ADAM8: variants seen among roughly 807,000 people sequenced by gnomAD.
ADAM8 encodes disintegrin and metalloproteinase domain-containing protein 8.
ADAM8 carries 104 observed loss-of-function variants against 102.4 expected under a neutral mutation model. The ratio of observed to expected loss-of-function variants is 1.02; its 90% CI spans 0.87 to 1.20. ADAM8 has a LOEUF of 1.20. Ranked by LOEUF, ADAM8 falls within the 50% of genes most tolerant of loss-of-function variation. The pLI is 0.00. For synonymous variants in ADAM8, 517 were observed against 485.2 expected (o/e 1.07, Z -0.86); for missense variants, 1,132 against 1,159.0 (o/e 0.98, Z 0.34).
rs765145643 is a variant in ADAM8, at chr10:133,272,111, C to A, written c.957+82G>T. 11 of 1,504,020 alleles carry A rather than the reference C, an allele frequency of 7.3e-6. No homozygotes were observed. In the East Asian group the frequency reaches 2.2e-4, roughly 30 times the overall value. The allele number at this position is 1,504,020 out of a possible 1,614,324, so 93.2% of individuals were successfully genotyped here. A position where few individuals can be genotyped will look rare whatever the true frequency, so the allele number is the denominator to read the frequency against. On this transcript the variant is annotated intron_variant, in intron 10 of 22. Transcript: ENST00000445355. The stretch of plus-strand genomic sequence containing the variant: ...ACCTGGCCTGAGGGGAGGTGGCCTG[C>A]TCCAGAGACCTGGACCGAGGCGTCC...
At chr10:133,268,978 C>T in intron 18 of ADAM8, 116 bp from the exon 19 acceptor site, 3 of 1,489,786 alleles carry the variant, frequency 2.0e-6, no homozygotes, top group East Asian at 4.9e-5. Context: ...CTGTGGACCC[C>T]TCAGGGAGGA....
intron 10 of ADAM8, 90 bp from the exon 11 acceptor site, chr10:133,272,044 C>A: frequency 6.4e-7 from 1 of 1,564,520 alleles, no homozygotes; most frequent in Admixed American, 1.7e-5. Flanking sequence ...CTTGGCACAG[C>A]TTCCCGCCAA....
At position 133,263,709 on chromosome 10, in the gene ADAM8, C is replaced by A; in HGVS notation, c.2376G>T (p.Ala792=). The A allele has an allele frequency of 6.5e-7, 1 of 1,542,106 alleles. No homozygotes were observed. Among genetic ancestry groups the A allele is most frequent in the Non-Finnish European group, 8.7e-7 (1 of 1,143,158 alleles). Residue 792 remains alanine (A), a synonymous_variant, in exon 22 of 23, where the codon GCG becomes GCT. Transcript: ENST00000445355. ...TCACCTCAGCTGGACCAGGGTTGGC[C>A]GCACCAGCCCCGGGTTTGACTGGGG... is the stretch of plus-strand genomic sequence containing the variant. ...PVPPVKPGAG[A]ANPGPAEGAV...
rs774498849 is a variant in ADAM8, at chr10:133,267,342, C to T, written c.2319+10G>A. On this transcript the variant is annotated intron_variant, in intron 21 of 22. Coordinates refer to ENST00000445355, the MANE Select transcript of ADAM8 (RefSeq NM_001109.5). ...TCAGAAGGCTTGGCCGCCCAATCAC[C>T]ACTGCTCACCTGCTTTGGTGCCTGC... 8 of 1,605,248 alleles carry T rather than the reference C, an allele frequency of 5.0e-6. No homozygotes were observed. In the East Asian group the frequency reaches 1.1e-4, roughly 23 times the overall value.
chr10:133,267,360 G>A lies in ADAM8; in HGVS notation c.2311C>T (p.Pro771Ser). The A allele has an allele frequency of 1.2e-6, 2 of 1,608,960 alleles. No homozygotes were observed. The highest frequency in any genetic ancestry group is 1.7e-6 in the Non-Finnish European group (2 of 1,178,608). Residue 771 changes from proline (P) to serine (S), a missense_variant, in exon 21 of 23, where the codon CCA becomes TCA. Coordinates refer to ENST00000445355, the MANE Select transcript of ADAM8 (RefSeq NM_001109.5). ...FPVPVYTRQAPKQVIKPTFAP... is the reference protein window; with the variant it reads ...FPVPVYTRQASKQVIKPTFAP... ...CAATCACCACTGCTCACCTGCTTTG[G>A]TGCCTGCCGGGTGTAGACAGGAACT...
intron 2 of ADAM8, chr10:133,275,139 C>A (rs1846702903): frequency 2.8e-6 from 1 of 351,558 alleles, no homozygotes; most frequent in Non-Finnish European, 5.2e-6. Flanking sequence ...GCCCCCCCCC[C>A]AACACAGGAA....
Position 133,262,815 on chromosome 10 carries a change from G to A in ADAM8, c.*341C>T, listed in dbSNP as rs1355236455. 1.0e-5 allele frequency: 3 copies of A among 299,980 alleles called. No individual in the cohort carries two copies. The highest frequency in any genetic ancestry group is 1.5e-4 in the East Asian group (2 of 12,904). The allele number at this position is 299,980 out of a possible 1,614,324, so 18.6% of individuals were successfully genotyped here. A position where few individuals can be genotyped will look rare whatever the true frequency, so the allele number is the denominator to read the frequency against. On this transcript the variant is annotated 3_prime_UTR_variant, in exon 23 of 23. Transcript: ENST00000445355. ...CAGGCCCCAGAGCAGGGGCAGGTGT[G>A]GCTGGGAGGGGCTGTATATGTGGCC... is the stretch of plus-strand genomic sequence containing the variant.
At chr10:133,275,130 C>T in intron 2 of ADAM8, 1 of 214,786 alleles carries the variant, frequency 4.7e-6, no homozygotes, top group Non-Finnish European at 9.1e-6. Flanking sequence ...CCCCGCCAGG[C>T]CCCCCCCCCA....
Position 133,272,946 on chromosome 10 carries a change from C to A in ADAM8, c.636+11G>T, listed in dbSNP as rs770416367. 1 of 1,612,864 alleles carries A rather than the reference C, an allele frequency of 6.2e-7. No homozygotes were observed. Among genetic ancestry groups the A allele is most frequent in the Non-Finnish European group, 8.5e-7 (1 of 1,179,844 alleles). The stretch of plus-strand genomic sequence containing the variant: ...CCGGCTGCTCTCCCACCTTCCCTGC[C>A]CCCAACACACCTCTGCATTGTCCAC... On this transcript the variant is annotated intron_variant, in intron 7 of 22. Coordinates refer to ENST00000445355, the MANE Select transcript of ADAM8 (RefSeq NM_001109.5).
At chr10:133,270,323 C>A (rs766475908) in intron 16 of ADAM8, 37 bp downstream of exon 16, 1 of 1,558,704 alleles carries the variant, frequency 6.4e-7, no homozygotes, top group Non-Finnish European at 8.7e-7. Context: ...GCCCGGGATG[C>A]CTGGGGGGTG....
rs185172422 is a variant in ADAM8 at position 133,275,527 on chromosome 10, C to T, written c.107G>A (p.Arg36His). The T allele has an allele frequency of 5.4e-4, 828 of 1,526,680 alleles. 5 individuals are homozygous for T. In the African/African-American group the frequency reaches 0.011, roughly 20 times the overall value. The allele number at this position is 1,526,680 out of a possible 1,614,324, so 94.6% of individuals were successfully genotyped here. A position where few individuals can be genotyped will look rare whatever the true frequency, so the allele number is the denominator to read the frequency against. ...MEQYEVVLPW[R>H]LPGPRVRRAL... ...TCGGCGGACTCGGGGGCCTGGCAGA[C>T]GCCACGGCAACACGACCTCATACTG... Residue 36 changes from arginine to histidine, a missense_variant, in exon 2 of 23, where the codon CGT becomes CAT. Transcript: ENST00000445355.
rs559400622 is a variant in ADAM8 at position 133,273,097 on chromosome 10, T to G, written c.574-78A>C. ...CCCTCCCTCAGGGACCCGGGGCCAC[T>G]GTCCAGCCCCTGTCCAGTGCTGGGG... is the stretch of plus-strand genomic sequence containing the variant. On this transcript the variant is annotated intron_variant, in intron 6 of 22. Transcript: ENST00000445355. 29 of 1,605,522 alleles carry G rather than the reference T, an allele frequency of 1.8e-5. No homozygotes were observed. In the Admixed American group the frequency reaches 3.7e-4, roughly 20 times the overall value.
At chr10:133,264,058 CTTT>C (rs3058139) in intron 21 of ADAM8, among the ~76,000 whole-genome samples, 23 of 84,022 alleles carry the variant, frequency 2.7e-4, no homozygotes, top group East Asian at 4.4e-4. Context: ...TTTTCCTTTC[CTTT>C]TTTTTTTTTT....
Position 133,269,426 on chromosome 10 carries a change from G to T in ADAM8, c.1948+19C>A. 6.5e-7 allele frequency: 1 copy of T among 1,541,600 alleles called. No individual in the cohort carries two copies. Among genetic ancestry groups the T allele is most frequent in the East Asian group, 2.3e-5 (1 of 43,266 alleles). ...GAGCTTGGACCCCAGCCCCACCTGC[G>T]CTGGCCAGGGAGGCCTACCTGCGTG... On this transcript the variant is annotated intron_variant, in intron 18 of 22. Coordinates refer to ENST00000445355, the MANE Select transcript of ADAM8 (RefSeq NM_001109.5).
chr10:133,269,671 C>T, intron 17 of ADAM8, 142 bp from the exon 18 acceptor site: 3 of 965,656 alleles, frequency 3.1e-6, no homozygotes, highest in Non-Finnish European at 4.5e-6. Flanking sequence ...GACGGCGAGG[C>T]CTCTCCATGT....
chr10:133,270,785 ACT>A lies in ADAM8; in HGVS notation c.1583_1584del (p.Glu528ValfsTer6), dbSNP rs767186548. On this transcript the variant is annotated frameshift_variant, in exon 15 of 23. Coordinates refer to ENST00000445355, the MANE Select transcript of ADAM8 (RefSeq NM_001109.5). LOFTEE classifies it high-confidence loss of function. Reference sequence around the variant, plus strand: ...GGTAGGATGTCATAGGAGAAGCAGGACTCCTCGGCAGCCTGCCCACCTGTGGG... The same window carrying A: ...GGTAGGATGTCATAGGAGAAGCAGGACCTCGGCAGCCTGCCCACCTGTGGG... ...FWGPGGQAAE[E>X]SCFSYDILPG... is the part of the protein sequence containing the mutation. 1.9e-6 allele frequency: 3 copies of A among 1,606,424 alleles called. No individual in the cohort carries two copies. The highest frequency in any genetic ancestry group is 2.6e-6 in the Non-Finnish European group (3 of 1,175,968).
At position 133,272,528 on chromosome 10, in the gene ADAM8, G is replaced by A. The variant is rs1846571767; in HGVS notation, c.763C>T (p.Gln255Ter). The A allele has an allele frequency of 3.7e-6, 6 of 1,612,140 alleles. 1 individual carries two copies. The South Asian group carries it at 5.5e-5, about 15-fold the overall frequency. ...TCGGGGCTGACGTGGAACCTGTCCT[G>A]ACTATTCCAAATCTCCAGGCCCACC... ...VLVGLEIWNS[Q>*]DRFHVSPDPS... Residue 255 changes from glutamine to a stop codon, truncating the protein, a stop_gained, in exon 9 of 23, where the codon CAG (glutamine) becomes TAG (stop). Coordinates refer to ENST00000445355, the MANE Select transcript of ADAM8 (RefSeq NM_001109.5). LOFTEE classifies it high-confidence loss of function.
chr10:133,268,716 C>T, intron 19 of ADAM8, 32 bp downstream of exon 19: 1 of 1,591,712 alleles, frequency 6.3e-7, no homozygotes, highest in Non-Finnish European at 8.5e-7. Context: ...GAAGCACTCG[C>T]CACCCTCCGT....
chr10:133,274,978 G>A (rs887985394), intron 2 of ADAM8: 4 of 354,616 alleles, frequency 1.1e-5, no homozygotes, highest in Admixed American at 3.5e-5. Flanking sequence ...GGCTGGGGCC[G>A]GAACTGCCCT....
Sources: gnomAD v4.1 joint callset for allele counts (sites outside exome capture counted in the v4.1 genomes callset) on GRCh38, gnomAD v4.1.1 for gene constraint, MANE v1.5 for transcripts, NCBI Gene and HGNC (gene_info 2026-07-23, HGNC 2026-07-21) for gene names.